VPS13B: variants seen among roughly 807,000 people sequenced by gnomAD.
The protein encoded by VPS13B is intermembrane lipid transfer protein VPS13B.
In VPS13B, 285 loss-of-function variants were observed where a neutral mutation model predicts 426.4. The ratio of observed to expected loss-of-function variants is 0.67; its 90% CI spans 0.61 to 0.74. The LOEUF is 0.74. Ranked by LOEUF, VPS13B falls within the 30% of genes least tolerant of loss-of-function variation. The probability of loss-of-function intolerance (pLI) is 0.00; values close to 1 mark genes in which losing one functional copy is unlikely to be tolerated. For missense variants in VPS13B, 4,537 were observed against 4,782.6 expected (o/e 0.95, Z 1.51); for synonymous variants, 1,676 against 1,676.4 (o/e 1.00, Z 0.01).
Position 99,113,412 on chromosome 8 carries a change from G to A in VPS13B, c.762+2133G>A, listed in dbSNP as rs376759891. ...GCCACCATGCCTGCCTGAGTTTTTT[G>A]TTAATACTATTGTAATGTTAAGATT... On this transcript the variant is annotated intron_variant, in intron 6 of 61. Coordinates refer to ENST00000357162, the MANE Select transcript of VPS13B (RefSeq NM_152564.5). Among the ~76,000 whole-genome samples the A allele has an allele frequency of 1.2e-4, 18 of 151,234 alleles. No individual in the cohort carries two copies. In the South Asian group the frequency reaches 3.8e-3, roughly 32 times the overall value.
chr8:99,440,720 T>G (rs1162388816), intron 22 of VPS13B, among the ~76,000 whole-genome samples: 2 of 152,228 alleles, frequency 1.3e-5, no homozygotes, highest in South Asian at 4.1e-4. Flanking sequence ...TTTAAATTAG[T>G]GAAATTAATG....
rs998894496 is a variant in VPS13B at position 99,325,876 on chromosome 8, C to T, written c.2824+50622C>T. On this transcript the variant is annotated intron_variant, in intron 19 of 61. Transcript: ENST00000357162. ...ATAATTAAATCATGCATTCCTTTTA[C>T]GGCCCTTAGTATCTCAACCAAAATA... Among the ~76,000 whole-genome samples, 15 of 152,098 alleles carry T rather than the reference C, an allele frequency of 9.9e-5. 1 individual carries two copies. The highest frequency in any genetic ancestry group is 4.6e-4 in the Admixed American group (7 of 15,260).
intron 19 of VPS13B, among the ~76,000 whole-genome samples, chr8:99,277,193 T>C (rs1818942499): frequency 6.6e-6 from 1 of 152,120 alleles, no homozygotes; most frequent in Non-Finnish European, 1.5e-5. Flanking sequence ...GTAGTATGTT[T>C]ATGGATTTGT....
At chr8:99,774,612 T>C (rs997831216) in intron 40 of VPS13B, among the ~76,000 whole-genome samples, 1 of 152,178 alleles carries the variant, frequency 6.6e-6, no homozygotes, top group African/African-American at 2.4e-5. Flanking sequence ...ACTGGTCCCA[T>C]AGAACTCTTG....
At position 99,134,653 on chromosome 8, in the gene VPS13B, A is replaced by G. The variant is rs1305588079; in HGVS notation, c.1228A>G (p.Ser410Gly). 2 of 1,608,360 alleles carry G rather than the reference A, an allele frequency of 1.2e-6. No individual in the cohort carries two copies. The highest frequency in any genetic ancestry group is 2.2e-5 in the South Asian group (2 of 89,510). The change falls in exon 9 of 62, where the codon AGT becomes GGT. Residue 410 changes from serine (S) to glycine (G), a missense_variant. This residue lies in a region of VPS13B where 4,311 missense variants were observed against 4,474.3 expected (regional missense o/e 0.96). Coordinates refer to ENST00000357162, the MANE Select transcript of VPS13B (RefSeq NM_152564.5). ...TTAGCTCACAGAAATGCAAGTTGAG[A>G]GTAGTTATTACAGTCCACAGAAAGT... Reference protein sequence around the residue: ...TFKLTEMQVESSYYSPQKVKS... With the variant: ...TFKLTEMQVEGSYYSPQKVKS...
chr8:99,394,412 T>A (rs1457860578), intron 21 of VPS13B, among the ~76,000 whole-genome samples: 30 of 152,172 alleles, frequency 2.0e-4, no homozygotes, highest in Non-Finnish European at 1.0e-4. Context: ...CAATGTTAAG[T>A]GGCTGGCTAC....
chr8:99,807,456 G>T lies in VPS13B; in HGVS notation c.7942-1919G>T, dbSNP rs1347193226. Among the ~76,000 whole-genome samples the T allele has an allele frequency of 7.3e-5, 11 of 149,796 alleles. No homozygotes were observed. In the East Asian group the frequency reaches 2.0e-3, roughly 27 times the overall value. ...TTTTGTCATTTCTAGCTACTAGTCT[G>T]TCCAAAGAAAACAACTTTCTTATTT... On this transcript the variant is annotated intron_variant, in intron 43 of 61. Coordinates refer to ENST00000357162, the MANE Select transcript of VPS13B (RefSeq NM_152564.5).
At chr8:99,439,241 T>C (rs370625804) in intron 22 of VPS13B, among the ~76,000 whole-genome samples, 2 of 152,190 alleles carry the variant, frequency 1.3e-5, no homozygotes, top group Non-Finnish European at 2.9e-5. Flanking sequence ...TGAACAATTA[T>C]TTATTGAGTA....
chr8:99,623,467 G>T (rs979913840), intron 33 of VPS13B, among the ~76,000 whole-genome samples: 3 of 151,838 alleles, frequency 2.0e-5, no homozygotes, highest in Non-Finnish European at 4.4e-5. Flanking sequence ...GAGTTTTTTT[G>T]TTGTTGTTGT....
At chr8:99,703,710 AAAAGTATATAGCTAT>A (rs1832381518) in intron 36 of VPS13B, among the ~76,000 whole-genome samples, 1 of 152,188 alleles carries the variant, frequency 6.6e-6, no homozygotes, top group Admixed American at 6.5e-5. Context: ...TGGAGAAACC[AAAAGTATATAGCTAT>A]AAATTGCGAA....
Position 99,744,008 on chromosome 8 carries a change from C to A in VPS13B, c.7051-22766C>A, listed in dbSNP as rs562498353. On this transcript the variant is annotated intron_variant, in intron 39 of 61. Coordinates refer to ENST00000357162, the MANE Select transcript of VPS13B (RefSeq NM_152564.5). ...ATTAAACTAAAGAGCTTCTGCACAA[C>A]AAAAGAAACTACCATCAGAGTGAAC... Among the ~76,000 whole-genome samples, 14 of 152,256 alleles carry A rather than the reference C, an allele frequency of 9.2e-5. No homozygotes were observed. The East Asian group carries it at 2.5e-3, about 27-fold the overall frequency.
intron 45 of VPS13B, 101 bp from the exon 46 acceptor site, chr8:99,818,349 TA>T: frequency 3.2e-6 from 4 of 1,238,554 alleles, no homozygotes; most frequent in Non-Finnish European, 4.7e-6. Flanking sequence ...CCCTAAACTT[TA>T]AACTCTTTTT....
chr8:99,823,784 T>G (rs760283066), intron 50 of VPS13B, 48 bp from the exon 51 acceptor site: 9 of 1,580,172 alleles, frequency 5.7e-6, no homozygotes, highest in Non-Finnish European at 7.8e-6. Flanking sequence ...GAGATTTTGA[T>G]ATGCCTTACA....
Position 99,775,736 on chromosome 8 carries a change from A to G in VPS13B, c.7248-1039A>G, listed in dbSNP as rs185117937. Among the ~76,000 whole-genome samples the G allele has an allele frequency of 2.0e-5, 3 of 152,208 alleles. No individual in the cohort carries two copies. The East Asian group carries it at 5.8e-4, about 29-fold the overall frequency. ...AACATGTTGAAACCCCATCTCTACT[A>G]AAAATACAAAAATTAGCTGGGCATG... On this transcript the variant is annotated intron_variant, in intron 40 of 61. Coordinates refer to ENST00000357162, the MANE Select transcript of VPS13B (RefSeq NM_152564.5).
At chr8:99,567,871 CAT>C (rs1825262906) in intron 31 of VPS13B, among the ~76,000 whole-genome samples, 1 of 152,070 alleles carries the variant, frequency 6.6e-6, no homozygotes, top group Non-Finnish European at 1.5e-5. Context: ...GCCCTCAATC[CAT>C]GTTTCTCAAT....
intron 21 of VPS13B, among the ~76,000 whole-genome samples, chr8:99,411,491 A>G (rs1286074879): frequency 6.6e-6 from 1 of 152,178 alleles, no homozygotes; most frequent in Non-Finnish European, 1.5e-5. Context: ...GATTGCAAAA[A>G]GTTTCTCCCA....
intron 51 of VPS13B, among the ~76,000 whole-genome samples, 159 bp from the exon 52 acceptor site, chr8:99,832,210 C>G (rs535110629): frequency 2.7e-5 from 4 of 149,162 alleles, no homozygotes; most frequent in Non-Finnish European, 5.9e-5. Flanking sequence ...TGCAGTGAGC[C>G]GAGATGGTGC....
chr8:99,472,377 A>G (rs1200824085), intron 24 of VPS13B, among the ~76,000 whole-genome samples: 1 of 152,056 alleles, frequency 6.6e-6, no homozygotes, highest in Non-Finnish European at 1.5e-5. Context: ...ATTTGACCAC[A>G]GTCAAATTAG....
chr8:99,102,044 A>G (rs1846781840), intron 4 of VPS13B, among the ~76,000 whole-genome samples: 1 of 152,140 alleles, frequency 6.6e-6, no homozygotes, highest in Non-Finnish European at 1.5e-5. Flanking sequence ...ATTTTTAACT[A>G]AATTACTCAA....
Sources: allele counts gnomAD v4.1 joint callset (sites outside exome capture counted in the v4.1 genomes callset), GRCh38; gene constraint gnomAD v4.1.1; regional missense constraint gnomAD v4.1.1; transcripts MANE v1.5; gene names NCBI Gene and HGNC (gene_info 2026-07-23, HGNC 2026-07-21).